SLC36A1: variants seen among roughly 807,000 people sequenced by gnomAD.
SLC36A1 encodes proton-coupled amino acid transporter 1.
Under a neutral mutation model 47.5 loss-of-function variants are expected in SLC36A1, and 30 were observed. That is an observed-to-expected ratio of 0.63 (90% CI 0.47 to 0.86). SLC36A1 has a LOEUF of 0.86. Ranked by LOEUF, SLC36A1 falls within the 40% of genes least tolerant of loss-of-function variation. The pLI, the probability that SLC36A1 is intolerant of heterozygous loss-of-function variation, is 0.00. For synonymous variants in SLC36A1, 255 were observed against 249.7 expected (o/e 1.02, Z -0.20); for missense variants, 517 against 606.0 (o/e 0.85, Z 1.54).
intron 3 of SLC36A1, 144 bp from the exon 4 acceptor site, chr5:151,464,370 T>C: frequency 1.5e-6 from 1 of 658,234 alleles, no homozygotes; most frequent in East Asian, 2.7e-5. Context: ...ATCACGTTTC[T>C]CTCTCTAATG....
At chr5:151,386,807 T>C in the SLC36A1 span, among the ~76,000 whole-genome samples, 1 of 152,236 alleles carries the variant, frequency 6.6e-6, no homozygotes, top group Non-Finnish European at 1.5e-5. Context: ...TCTGCTTCTT[T>C]AGCTTTCCCT....
chr5:151,370,315 A>C, the SLC36A1 span, among the ~76,000 whole-genome samples: 1 of 152,224 alleles, frequency 6.6e-6, no homozygotes, highest in African/African-American at 2.4e-5. Context: ...ATTATCTTAT[A>C]GGTACTCATG....
chr5:151,531,477 G>T, the SLC36A1 span: 1 of 1,392,508 alleles, frequency 7.2e-7, no homozygotes, highest in South Asian at 1.4e-5. The surrounding 1 kb of genome is among the most constrained non-coding windows in gnomAD (Gnocchi z 5.7). Flanking sequence ...ACCAGAGGAG[G>T]TCTGCTCTGG....
the SLC36A1 span, among the ~76,000 whole-genome samples, chr5:151,428,993 T>A: frequency 3.3e-5 from 5 of 152,112 alleles, no homozygotes; most frequent in African/African-American, 1.2e-4. Flanking sequence ...GGTAAAGCTG[T>A]CACATCTCTG....
At chr5:151,368,257 CTG>C in the SLC36A1 span, among the ~76,000 whole-genome samples, 2 of 152,214 alleles carry the variant, frequency 1.3e-5, no homozygotes, top group South Asian at 4.1e-4. Context: ...CAATCATAAA[CTG>C]TGCTAAAACC....
the SLC36A1 span, among the ~76,000 whole-genome samples, chr5:151,357,743 C>A: frequency 4.6e-5 from 7 of 152,218 alleles, no homozygotes; most frequent in African/African-American, 1.7e-4. Flanking sequence ...ATAGAAAAAG[C>A]TTGCCAACCT....
At chr5:151,412,628 C>T in the SLC36A1 span, 1 of 144,286 alleles carries the variant, frequency 6.9e-6, no homozygotes, top group South Asian at 2.6e-4. Context: ...TCTGGAGGAA[C>T]ACCAGCAGCA....
chr5:151,467,553 C>A (rs183657348), intron 6 of SLC36A1, among the ~76,000 whole-genome samples, 154 bp from the exon 7 acceptor site: 1 of 152,082 alleles, frequency 6.6e-6, no homozygotes, highest in Non-Finnish European at 1.5e-5. Flanking sequence ...TGATGATAGT[C>A]GTGAAGTTCT....
At chr5:151,431,791 C>T in the SLC36A1 span, among the ~76,000 whole-genome samples, 1 of 152,172 alleles carries the variant, frequency 6.6e-6, no homozygotes, top group Non-Finnish European at 1.5e-5. Context: ...ATAAATTACC[C>T]AGTCTCGAGT....
At chr5:151,455,815 G>A (rs1210182968) in intron 1 of SLC36A1, among the ~76,000 whole-genome samples, 1 of 152,200 alleles carries the variant, frequency 6.6e-6, no homozygotes, top group Non-Finnish European at 1.5e-5. Context: ...CGAACAAGGA[G>A]AGGACTGATA....
rs1203922347 is a variant in SLC36A1, at chr5:151,489,040, A to C, written c.*786A>C. On this transcript the variant is annotated 3_prime_UTR_variant, in exon 11 of 11. Coordinates refer to ENST00000243389, the MANE Select transcript of SLC36A1 (RefSeq NM_078483.4). The surrounding 1 kb of genome is among the most constrained non-coding windows in gnomAD (Gnocchi z 4.5). ...CTTCTTCTTCAGTAAACTTTGACTCAACTTCTCCTGCTGAAAAGAAGCTCG... is the reference window on the plus strand; with the variant it reads ...CTTCTTCTTCAGTAAACTTTGACTCCACTTCTCCTGCTGAAAAGAAGCTCG... 1 of 151,036 alleles carries C rather than the reference A, an allele frequency of 6.6e-6. No homozygotes were observed. The highest frequency in any genetic ancestry group is 1.5e-5 in the Non-Finnish European group (1 of 67,784). The allele number at this position is 151,036 out of a possible 1,614,324, so 9.4% of individuals were successfully genotyped here. A position where few individuals can be genotyped will look rare whatever the true frequency, so the allele number is the denominator to read the frequency against.
At chr5:151,455,086 A>C (rs1253304985) in intron 1 of SLC36A1, among the ~76,000 whole-genome samples, 1 of 152,106 alleles carries the variant, frequency 6.6e-6, no homozygotes, top group African/African-American at 2.4e-5. Flanking sequence ...ATTATCTGGC[A>C]ATTCTGAGTT....
the SLC36A1 span, among the ~76,000 whole-genome samples, chr5:151,365,150 G>A: frequency 2.6e-5 from 4 of 152,180 alleles, no homozygotes; most frequent in Admixed American, 6.5e-5. Flanking sequence ...TCAGGGCACT[G>A]TTTCCAGAAG....
At chr5:151,368,455 A>G in the SLC36A1 span, among the ~76,000 whole-genome samples, 6,041 of 152,272 alleles carry the variant, frequency 0.04, 405 homozygotes, top group African/African-American at 0.14. Flanking sequence ...TTGACATTAC[A>G]TGGTGTCAGA....
the SLC36A1 span, among the ~76,000 whole-genome samples, chr5:151,413,229 CTT>C: frequency 6.9e-6 from 1 of 144,958 alleles, no homozygotes; most frequent in Non-Finnish European, 1.5e-5. Context: ...ACCTAGGCAT[CTT>C]TTTTTTTTTT....
chr5:151,457,887 C>T (rs576433441), intron 1 of SLC36A1, among the ~76,000 whole-genome samples: 18 of 144,596 alleles, frequency 1.2e-4, no homozygotes, highest in South Asian at 1.1e-3. Context: ...TCGCTCTTGT[C>T]GCCCAGGCTG....
At chr5:151,430,273 T>G in the SLC36A1 span, among the ~76,000 whole-genome samples, 6 of 150,506 alleles carry the variant, frequency 4.0e-5, no homozygotes, top group African/African-American at 1.2e-4. Flanking sequence ...CAAACAATTC[T>G]CCTGCCTCAG....
At chr5:151,416,478 G>C in the SLC36A1 span, among the ~76,000 whole-genome samples, 1 of 152,186 alleles carries the variant, frequency 6.6e-6, no homozygotes, top group Non-Finnish European at 1.5e-5. Flanking sequence ...ATGATTGCTG[G>C]TAAATGCTTT....
At chr5:151,349,224 G>A in the SLC36A1 span, among the ~76,000 whole-genome samples, 1 of 152,154 alleles carries the variant, frequency 6.6e-6, no homozygotes, top group Admixed American at 6.5e-5. Flanking sequence ...TCCAGGTTTT[G>A]AGAAGAACTC....
Sources: allele counts gnomAD v4.1 joint callset (sites outside exome capture counted in the v4.1 genomes callset), GRCh38; gene constraint gnomAD v4.1.1; non-coding constraint Gnocchi (gnomAD v3.1); transcripts MANE v1.5; gene names NCBI Gene and HGNC (gene_info 2026-07-23, HGNC 2026-07-21).